The following GPC6 variants were observed in gnomAD, a reference collection of about 807,000 sequenced individuals.
GPC6 encodes glypican-6.
GPC6 carries 14 observed loss-of-function variants against 55.2 expected under a neutral mutation model. The ratio of observed to expected loss-of-function variants is 0.25; its 90% CI spans 0.17 to 0.40. GPC6 has a LOEUF of 0.40. Among genes scored for constraint, GPC6 ranks in the 10% least tolerant of loss-of-function variants. GPC6 has a pLI of 1.00. For missense variants in GPC6, 641 were observed against 708.5 expected (o/e 0.90, Z 1.08); for synonymous variants, 278 against 259.6 (o/e 1.07, Z -0.68).
At chr13:94,028,035 C>T in intron 4 of GPC6, 141 bp downstream of exon 4, 1 of 787,378 alleles carries the variant, frequency 1.3e-6, no homozygotes. Flanking sequence ...GAGGCCAGTA[C>T]AGATGGATTG....
chr13:93,891,740 T>C (rs1345802672), intron 3 of GPC6, among the ~76,000 whole-genome samples: 2 of 152,092 alleles, frequency 1.3e-5, no homozygotes, highest in African/African-American at 4.8e-5. Flanking sequence ...TGTGTATGTA[T>C]ACATACACAT....
intron 3 of GPC6, among the ~76,000 whole-genome samples, chr13:93,845,120 C>T (rs1479293857): frequency 7.9e-5 from 12 of 152,030 alleles, no homozygotes; most frequent in Non-Finnish European, 1.5e-4. Flanking sequence ...ATTGACTTGG[C>T]GATGCGGGCT....
intron 3 of GPC6, among the ~76,000 whole-genome samples, chr13:93,910,677 A>G (rs1365135564): frequency 6.6e-6 from 1 of 152,156 alleles, no homozygotes; most frequent in Non-Finnish European, 1.5e-5. Flanking sequence ...AAATACCTCA[A>G]AGTTCTAGAA....
chr13:93,754,562 T>G (rs906176273), intron 2 of GPC6, among the ~76,000 whole-genome samples: 1 of 151,974 alleles, frequency 6.6e-6, no homozygotes, highest in South Asian at 2.1e-4. Flanking sequence ...AGGGTACCCT[T>G]TATTCCAAAA....
At chr13:94,058,257 C>T (rs932908650) in intron 4 of GPC6, among the ~76,000 whole-genome samples, 10 of 152,150 alleles carry the variant, frequency 6.6e-5, no homozygotes, top group East Asian at 1.9e-4. Context: ...TACATATTTA[C>T]GGTACGGAAA....
At chr13:93,902,505 T>C (rs1413736571) in intron 3 of GPC6, among the ~76,000 whole-genome samples, 1 of 152,178 alleles carries the variant, frequency 6.6e-6, no homozygotes, top group African/African-American at 2.4e-5. Flanking sequence ...TTGTGAATAG[T>C]GTCACAATAA....
At chr13:94,225,499 C>G (rs1252649149) in intron 4 of GPC6, among the ~76,000 whole-genome samples, 1 of 151,982 alleles carries the variant, frequency 6.6e-6, no homozygotes, top group African/African-American at 2.4e-5. Context: ...CATATTATAA[C>G]AAGTTAGTAC....
At chr13:93,954,471 C>A (rs1036529402) in intron 3 of GPC6, among the ~76,000 whole-genome samples, 2 of 152,108 alleles carry the variant, frequency 1.3e-5, no homozygotes, top group Non-Finnish European at 2.9e-5. Flanking sequence ...TGTGCACCAC[C>A]ACAACTAGCT....
At chr13:93,740,588 G>A (rs1884167510) in intron 2 of GPC6, among the ~76,000 whole-genome samples, 1 of 152,170 alleles carries the variant, frequency 6.6e-6, no homozygotes, top group African/African-American at 2.4e-5. Flanking sequence ...GTTGTACCAT[G>A]ACAGTATCAC....
chr13:93,506,212 C>T (rs975935742), intron 1 of GPC6, among the ~76,000 whole-genome samples: 1 of 152,156 alleles, frequency 6.6e-6, no homozygotes, highest in African/African-American at 2.4e-5. Context: ...TAGGAGCTCT[C>T]CATTAAACCC....
At position 94,395,542 on chromosome 13, in the gene GPC6, C is replaced by A. The variant is rs553792885; in HGVS notation, c.1290-2924C>A. 2.0e-5 allele frequency among the ~76,000 whole-genome samples: 3 copies of A among 152,282 alleles called. No individual in the cohort carries two copies. The East Asian group carries it at 5.8e-4, about 29-fold the overall frequency. The stretch of plus-strand genomic sequence containing the variant: ...TAAACCAATTCATACACAAACACAT[C>A]AAGCATAGATTCAATACCTGAAAAA... On this transcript the variant is annotated intron_variant, in intron 7 of 8. Transcript: ENST00000377047.
intron 1 of GPC6, among the ~76,000 whole-genome samples, chr13:93,466,912 C>T (rs1032223184): frequency 1.3e-5 from 2 of 152,130 alleles, no homozygotes; most frequent in African/African-American, 4.8e-5. Flanking sequence ...CAAATCTGAC[C>T]TGTGATATTA....
At chr13:93,499,091 T>TCTCACACA (rs111757013) in intron 1 of GPC6, among the ~76,000 whole-genome samples, 1 of 133,626 alleles carries the variant, frequency 7.5e-6, no homozygotes, top group African/African-American at 2.5e-5. Flanking sequence ...TCCTTAATTG[T>TCTCACACA]CACACACACA....
intron 4 of GPC6, among the ~76,000 whole-genome samples, chr13:94,282,762 G>A (rs1892421931): frequency 6.6e-6 from 1 of 152,200 alleles, no homozygotes; most frequent in Non-Finnish European, 1.5e-5. Context: ...CTCCAACACT[G>A]TGATCTCAGA....
At chr13:93,999,361 C>T (rs1393662671) in intron 3 of GPC6, among the ~76,000 whole-genome samples, 1 of 152,170 alleles carries the variant, frequency 6.6e-6, no homozygotes. Flanking sequence ...GACATGAACT[C>T]ATCTTTTTTA....
intron 1 of GPC6, among the ~76,000 whole-genome samples, chr13:93,415,225 G>C (rs145153436): frequency 6.6e-6 from 1 of 152,186 alleles, no homozygotes; most frequent in Non-Finnish European, 1.5e-5. Flanking sequence ...GATTGCGGAA[G>C]CTGATAAAAT....
intron 3 of GPC6, among the ~76,000 whole-genome samples, chr13:93,940,756 G>A (rs545483123): frequency 6.6e-6 from 1 of 152,212 alleles, no homozygotes; most frequent in African/African-American, 2.4e-5. Context: ...GAATAAAAGT[G>A]TTGTGATTTA....
At chr13:94,076,702 G>GTCCAGTTT (rs1180506315) in intron 4 of GPC6, among the ~76,000 whole-genome samples, 2 of 151,808 alleles carry the variant, frequency 1.3e-5, no homozygotes, top group African/African-American at 4.8e-5. Context: ...TAATGTGAAT[G>GTCCAGTTT]TCCAGTTTTC....
intron 3 of GPC6, among the ~76,000 whole-genome samples, chr13:93,958,194 G>A (rs1034448727): frequency 2.0e-5 from 3 of 152,044 alleles, no homozygotes; most frequent in Admixed American, 6.6e-5. Flanking sequence ...AGTTTCTCTG[G>A]CTATGCAGAA....
Sources: gnomAD v4.1 joint callset for allele counts (sites outside exome capture counted in the v4.1 genomes callset) on GRCh38, gnomAD v4.1.1 for gene constraint, MANE v1.5 for transcripts, NCBI Gene and HGNC (gene_info 2026-07-23, HGNC 2026-07-21) for gene names.